Variants in CECR2 observed in about 807,000 individuals in gnomAD.
The protein encoded by CECR2 is CECR2 histone acetyl-lysine reader.
A neutral mutation model predicts 154.5 loss-of-function variants in CECR2; 30 were observed. The observed-to-expected ratio is 0.19, with a 90% CI of 0.15 to 0.26. CECR2 has a LOEUF of 0.26. Ranked by LOEUF, CECR2 falls within the 10% of genes least tolerant of loss-of-function variation. CECR2 has a pLI of 1.00. For synonymous variants in CECR2, 725 were observed against 683.7 expected, an observed-to-expected ratio of 1.06 and a Z score of -0.94; for missense variants, 1,743 against 1,829.3, an observed-to-expected ratio of 0.95 and a Z score of 0.86.
At chr22:17,377,276 G>A (rs2063129478) in intron 1 of CECR2, among the ~76,000 whole-genome samples, 2 of 152,160 alleles carry the variant, frequency 1.3e-5, no homozygotes, top group Admixed American at 1.3e-4. Context: ...CTGGCATCTT[G>A]TCTGCAAATA....
At chr22:17,476,303 C>T (rs190254334) in intron 1 of CECR2, among the ~76,000 whole-genome samples, 2 of 151,774 alleles carry the variant, frequency 1.3e-5, no homozygotes, top group Non-Finnish European at 2.9e-5. Context: ...CTCACTCTGT[C>T]GCCCAGGCTG....
intron 10 of CECR2, among the ~76,000 whole-genome samples, chr22:17,538,173 A>G (rs1006655065): frequency 6.6e-6 from 1 of 152,164 alleles, no homozygotes; most frequent in African/African-American, 2.4e-5. Context: ...AGCTGTGATC[A>G]CACCACTTCA....
rs62241128 is a variant in CECR2, at chr22:17,383,143, T to A, written c.126+13234T>A. Among the ~76,000 whole-genome samples the A allele has an allele frequency of 6.3e-3, 960 of 152,210 alleles. 4 individuals are homozygous for A. The highest frequency in any genetic ancestry group is 0.011 in the Non-Finnish European group (748 of 68,014). On this transcript the variant is annotated intron_variant, in intron 1 of 18. Coordinates refer to ENST00000262608, the MANE Select transcript of CECR2 (RefSeq NM_001290047.2). ...CAGAGGCTGAGGCAGGAGAATCTCT[T>A]GAACCCGGGAGGCGGAGTTTGCAGT... is the stretch of plus-strand genomic sequence containing the variant.
chr22:17,403,078 A>G (rs564374973), intron 1 of CECR2, among the ~76,000 whole-genome samples: 3 of 152,190 alleles, frequency 2.0e-5, no homozygotes, highest in Non-Finnish European at 4.4e-5. Flanking sequence ...TCATTTCAAG[A>G]TTTGTTCCTG....
intron 2 of CECR2, among the ~76,000 whole-genome samples, chr22:17,484,588 T>A (rs1270716512): frequency 6.6e-6 from 1 of 152,170 alleles, no homozygotes; most frequent in Non-Finnish European, 1.5e-5. Flanking sequence ...GTTTTTTGTT[T>A]GTTTGTTTGT....
chr22:17,522,829 A>C (rs563538626), intron 8 of CECR2, among the ~76,000 whole-genome samples: 27 of 152,132 alleles, frequency 1.8e-4, no homozygotes, highest in Non-Finnish European at 3.7e-4. Context: ...ACATGGTGAA[A>C]TCCCATCTCT....
At chr22:17,491,896 T>C (rs1340607173) in intron 2 of CECR2, among the ~76,000 whole-genome samples, 1 of 152,232 alleles carries the variant, frequency 6.6e-6, no homozygotes, top group African/African-American at 2.4e-5. Context: ...TTTCCTTTAA[T>C]TTGAAATAAC....
intron 8 of CECR2, among the ~76,000 whole-genome samples, chr22:17,513,663 T>G (rs955586595): frequency 3.3e-5 from 5 of 152,218 alleles, no homozygotes; most frequent in Non-Finnish European, 5.9e-5. Flanking sequence ...GTCACTAATT[T>G]CAGAGTGGCC....
intron 2 of CECR2, among the ~76,000 whole-genome samples, chr22:17,485,379 T>A (rs956531916): frequency 1.3e-5 from 2 of 152,218 alleles, no homozygotes; most frequent in African/African-American, 2.4e-5. Flanking sequence ...ACAGGATTTT[T>A]AACTCTTTGA....
intron 4 of CECR2, 107 bp from the exon 5 acceptor site, chr22:17,500,524 A>G (rs1298208979): frequency 5.1e-6 from 4 of 786,670 alleles, no homozygotes; most frequent in Admixed American, 2.9e-5. Context: ...TTTCACTGCT[A>G]CATTTAATCC....
intron 9 of CECR2, among the ~76,000 whole-genome samples, chr22:17,534,321 G>A (rs2056404653): frequency 6.6e-6 from 1 of 152,054 alleles, no homozygotes; most frequent in South Asian, 2.1e-4. Context: ...GAGAACAGTG[G>A]TACCAGGACA....
At chr22:17,473,048 G>A (rs1408245334) in intron 1 of CECR2, among the ~76,000 whole-genome samples, 1 of 152,082 alleles carries the variant, frequency 6.6e-6, no homozygotes, top group African/African-American at 2.4e-5. Flanking sequence ...ACGGCTCGAA[G>A]GATTTGTCGT....
rs1354586845 is a variant in CECR2 at position 17,554,356 on chromosome 22, C to T, written c.*1516C>T. 1 of 152,278 alleles carries T rather than the reference C, an allele frequency of 6.6e-6. No homozygotes were observed. Among genetic ancestry groups the T allele is most frequent in the East Asian group, 1.9e-4 (1 of 5,180 alleles). The allele number at this position is 152,278 out of a possible 1,614,324, so 9.4% of individuals were successfully genotyped here. A position where few individuals can be genotyped will look rare whatever the true frequency, so the allele number is the denominator to read the frequency against. ...AGTCTCTATGAAATATTAATCTGCCCTAGTTTCTTATAAATTCAGCTGTGG... is the reference window on the plus strand; with the variant it reads ...AGTCTCTATGAAATATTAATCTGCCTTAGTTTCTTATAAATTCAGCTGTGG... On this transcript the variant is annotated 3_prime_UTR_variant, in exon 19 of 19. Coordinates refer to ENST00000262608, the MANE Select transcript of CECR2 (RefSeq NM_001290047.2).
chr22:17,389,058 C>T (rs183720752), intron 1 of CECR2, among the ~76,000 whole-genome samples: 232 of 152,244 alleles, frequency 1.5e-3, no homozygotes, highest in Admixed American at 4.1e-3. Flanking sequence ...AAGTGATCCA[C>T]CCTCCTTGGC....
At chr22:17,407,743 T>C (rs969459136) in intron 1 of CECR2, among the ~76,000 whole-genome samples, 3 of 152,202 alleles carry the variant, frequency 2.0e-5, no homozygotes, top group African/African-American at 7.2e-5. Context: ...ACTTTGGCGG[T>C]GTCTGGAGAC....
At chr22:17,435,002 G>A (rs953064217) in intron 1 of CECR2, among the ~76,000 whole-genome samples, 2 of 152,082 alleles carry the variant, frequency 1.3e-5, no homozygotes, top group South Asian at 4.2e-4. Flanking sequence ...AAGCCTGCAG[G>A]GCCAGACAGG....
At chr22:17,438,403 G>A (rs1332392059) in intron 1 of CECR2, among the ~76,000 whole-genome samples, 1 of 152,156 alleles carries the variant, frequency 6.6e-6, no homozygotes, top group Non-Finnish European at 1.5e-5. Flanking sequence ...CTGACAAGTA[G>A]TTTATAATGA....
At position 17,548,357 on chromosome 22, in the gene CECR2, C is replaced by T. The variant is rs554402218; in HGVS notation, c.3070C>T (p.Pro1024Ser). ...CTGTAAAGCAATGAAGGGCAAGAAT[C>T]CCTGGCCCTCGGATAGCAGCTACCC... ...DNCKAMKGKN[P>S]WPSDSSYPGP... is the part of the protein sequence containing the mutation. Residue 1024 changes from proline to serine, a missense_variant, in exon 17 of 19, where the codon CCC becomes TCC. Pro to Ser is a moderately conservative substitution (Grantham distance 74). Coordinates refer to ENST00000262608, the MANE Select transcript of CECR2 (RefSeq NM_001290047.2). 2 of 1,612,658 alleles carry T rather than the reference C, an allele frequency of 1.2e-6. No homozygotes were observed. Among genetic ancestry groups the T allele is most frequent in the East Asian group, 4.5e-5 (2 of 44,840 alleles).
intron 1 of CECR2, among the ~76,000 whole-genome samples, chr22:17,429,777 A>G (rs2054393314): frequency 6.6e-6 from 1 of 152,194 alleles, no homozygotes; most frequent in Non-Finnish European, 1.5e-5. Context: ...GTTAGTGAAT[A>G]ACAGGGAGAA....
Sources: allele counts gnomAD v4.1 joint callset (sites outside exome capture counted in the v4.1 genomes callset), GRCh38; gene constraint gnomAD v4.1.1; transcripts MANE v1.5; gene names NCBI Gene and HGNC (gene_info 2026-07-23, HGNC 2026-07-21).